The following PTPRN2 variants were observed in gnomAD, a reference collection of about 807,000 sequenced individuals.
The protein encoded by PTPRN2 is receptor-type tyrosine-protein phosphatase N2.
Under a neutral mutation model 118.8 loss-of-function variants are expected in PTPRN2, and 74 were observed. That is an observed-to-expected ratio of 0.62 (90% CI 0.52 to 0.76). The LOEUF is 0.76. Among genes scored for constraint, PTPRN2 ranks in the 30% least tolerant of loss-of-function variants. PTPRN2 has a pLI of 0.00. For missense variants in PTPRN2, 1,481 were observed against 1,394.4 expected (o/e 1.06, Z -0.99); for synonymous variants, 641 against 608.0 (o/e 1.05, Z -0.80).
intron 12 of PTPRN2, among the ~76,000 whole-genome samples, chr7:157,703,277 C>T (rs939325133): frequency 3.3e-5 from 5 of 152,310 alleles, no homozygotes; most frequent in East Asian, 1.9e-4. Flanking sequence ...CTGGGGTCCC[C>T]GACCGACTTT....
chr7:158,193,154 C>T (rs554777482), intron 4 of PTPRN2, among the ~76,000 whole-genome samples: 15 of 152,324 alleles, frequency 9.8e-5, no homozygotes, highest in East Asian at 3.9e-4. Flanking sequence ...ACACATGGGA[C>T]GCTTCCCGTG....
At chr7:158,575,229 CT>C (rs1194720898) in intron 1 of PTPRN2, among the ~76,000 whole-genome samples, 2 of 152,002 alleles carry the variant, frequency 1.3e-5, no homozygotes, top group Non-Finnish European at 2.9e-5. Context: ...CTGGGACATT[CT>C]TTTTTTTCAT....
At chr7:158,539,300 A>C (rs1203318687) in intron 1 of PTPRN2, 2 of 152,248 alleles carry the variant, frequency 1.3e-5, no homozygotes, top group East Asian at 3.8e-4. Context: ...AAGTGACAGC[A>C]ATATTGGCTG....
At chr7:158,333,373 C>T (rs62480899) in intron 2 of PTPRN2, among the ~76,000 whole-genome samples, 58,096 of 84,832 alleles carry the variant, frequency 0.68, 20,344 homozygotes, top group South Asian at 0.77. Context: ...CACACCCACA[C>T]TCGCACCATA....
At chr7:157,966,889 C>G (rs776958003) in intron 11 of PTPRN2, among the ~76,000 whole-genome samples, 1 of 152,232 alleles carries the variant, frequency 6.6e-6, no homozygotes, top group Non-Finnish European at 1.5e-5. Flanking sequence ...TCACCATCAT[C>G]ATCACCATCA....
chr7:158,061,692 A>G (rs2128907637), intron 11 of PTPRN2, among the ~76,000 whole-genome samples: 1 of 152,310 alleles, frequency 6.6e-6, no homozygotes, highest in South Asian at 2.1e-4. Context: ...CTGAGATGCA[A>G]TGGGGGTGTC....
intron 3 of PTPRN2, among the ~76,000 whole-genome samples, chr7:158,258,981 T>C (rs1414165401): frequency 1.3e-5 from 2 of 151,614 alleles, no homozygotes; most frequent in African/African-American, 2.4e-5. Flanking sequence ...GTGAGGGAGG[T>C]GCAGCGTCGG....
intron 14 of PTPRN2, among the ~76,000 whole-genome samples, chr7:157,642,830 AAAAAAAAAAAAAAAG>A (rs1417822265): frequency 2.0e-5 from 3 of 146,580 alleles, no homozygotes; most frequent in Non-Finnish European, 4.5e-5. Flanking sequence ...AAAAAAAAAA[AAAAAAAAAAAAAAAG>A]CAGCTAAAAC....
At chr7:158,190,106 G>A (rs772486456) in intron 5 of PTPRN2, among the ~76,000 whole-genome samples, 7 of 152,144 alleles carry the variant, frequency 4.6e-5, no homozygotes, top group African/African-American at 9.7e-5. Context: ...TTTTATCAAC[G>A]ATAGTTACGG....
At chr7:158,331,566 C>G (rs1804455309) in intron 2 of PTPRN2, among the ~76,000 whole-genome samples, 2 of 143,582 alleles carry the variant, frequency 1.4e-5, no homozygotes, top group Non-Finnish European at 3.0e-5. Flanking sequence ...GCAGACGTCA[C>G]TCACACCCAC....
At chr7:157,925,735 C>T (rs1294125294) in intron 11 of PTPRN2, among the ~76,000 whole-genome samples, 1 of 152,028 alleles carries the variant, frequency 6.6e-6, no homozygotes, top group Non-Finnish European at 1.5e-5. Context: ...TGCAGGTGAA[C>T]CCAGAGCTGT....
chr7:157,925,502 C>T (rs182260408), intron 11 of PTPRN2, among the ~76,000 whole-genome samples: 51 of 152,204 alleles, frequency 3.4e-4, no homozygotes, highest in Non-Finnish European at 5.4e-4. Context: ...TCCTCGTGGT[C>T]CCGGGTCCCA....
intron 2 of PTPRN2, among the ~76,000 whole-genome samples, chr7:158,333,329 G>GC (rs1563156906): frequency 1.3e-5 from 1 of 79,098 alleles, no homozygotes; most frequent in Non-Finnish European, 2.6e-5. Flanking sequence ...CACCCACACT[G>GC]TCACCATAAG....
intron 11 of PTPRN2, among the ~76,000 whole-genome samples, chr7:158,012,877 G>C (rs1806146981): frequency 6.6e-6 from 1 of 152,178 alleles, no homozygotes; most frequent in Non-Finnish European, 1.5e-5. Context: ...ACTCCAAGTA[G>C]GGGTGACTGT....
chr7:158,491,910 G>A (rs1181999403), intron 1 of PTPRN2, among the ~76,000 whole-genome samples: 2 of 152,202 alleles, frequency 1.3e-5, no homozygotes, highest in Non-Finnish European at 2.9e-5. Flanking sequence ...ACGGCCTACA[G>A]GAGCGTGGCA....
intron 10 of PTPRN2, among the ~76,000 whole-genome samples, chr7:158,083,285 A>G (rs1186762327): frequency 1.3e-5 from 2 of 152,130 alleles, no homozygotes; most frequent in Non-Finnish European, 2.9e-5. Flanking sequence ...CCGGTTCAAC[A>G]TTTTGGTTGA....
At chr7:157,730,591 A>C (rs1464383680) in intron 12 of PTPRN2, among the ~76,000 whole-genome samples, 3 of 152,232 alleles carry the variant, frequency 2.0e-5, no homozygotes, top group African/African-American at 7.2e-5. Flanking sequence ...GAGGTTGTCA[A>C]AATGCTTCAA....
chr7:158,049,803 T>A (rs1245084109), intron 11 of PTPRN2, among the ~76,000 whole-genome samples: 1 of 152,066 alleles, frequency 6.6e-6, no homozygotes, highest in Non-Finnish European at 1.5e-5. Flanking sequence ...CTGGGGAGGC[T>A]GAGGCAGGAG....
intron 11 of PTPRN2, among the ~76,000 whole-genome samples, chr7:158,068,367 C>T (rs565152267): frequency 7.9e-5 from 12 of 152,346 alleles, no homozygotes; most frequent in South Asian, 6.2e-4. Flanking sequence ...ACAGCTCCCA[C>T]GCCAGGACCA....
Sources: allele counts gnomAD v4.1 joint callset (sites outside exome capture counted in the v4.1 genomes callset), GRCh38; gene constraint gnomAD v4.1.1; transcripts MANE v1.5; gene names NCBI Gene and HGNC (gene_info 2026-07-23, HGNC 2026-07-21).